MACROH2A1: variants seen among roughly 807,000 people sequenced by gnomAD.
The protein encoded by MACROH2A1 is core histone macro-H2A.1.
In MACROH2A1, 2 loss-of-function variants were observed where a neutral mutation model predicts 31.6. That is an observed-to-expected ratio of 0.06 (90% confidence interval 0.03 to 0.20). The LOEUF is 0.20. Ranked by LOEUF, MACROH2A1 falls within the 10% of genes least tolerant of loss-of-function variation. MACROH2A1 has a pLI of 1.00. For synonymous variants in MACROH2A1, 169 were observed against 189.6 expected (o/e 0.89, Z 0.89); for missense variants, 230 against 474.0 (o/e 0.49, Z 4.78).
intron 1 of MACROH2A1, among the ~76,000 whole-genome samples, chr5:135,390,366 G>A (rs1468712506): frequency 6.6e-6 from 1 of 152,200 alleles, no homozygotes. Flanking sequence ...ACCATCCAAG[G>A]TCTCGAATGT....
intron 2 of MACROH2A1, among the ~76,000 whole-genome samples, chr5:135,384,098 T>C (rs1647596240): frequency 6.6e-6 from 1 of 152,212 alleles, no homozygotes; most frequent in Non-Finnish European, 1.5e-5. Flanking sequence ...AGGCTCTGCC[T>C]ACCTCAATCT....
At chr5:135,336,445 A>G (rs1268220769) in intron 8 of MACROH2A1, among the ~76,000 whole-genome samples, 1 of 152,216 alleles carries the variant, frequency 6.6e-6, no homozygotes, top group African/African-American at 2.4e-5. Context: ...CCCCCAGCCT[A>G]TGTGAAGGAG....
chr5:135,345,863 G>A (rs571126553), intron 7 of MACROH2A1, 105 bp downstream of exon 7: 42 of 755,418 alleles, frequency 5.6e-5, no homozygotes, highest in Admixed American at 9.1e-5. Context: ...TTGAAGATGC[G>A]GCTGTGCTGC....
intron 5 of MACROH2A1, chr5:135,358,231 T>C (rs765611950): frequency 2.0e-6 from 2 of 985,418 alleles, no homozygotes; most frequent in Non-Finnish European, 2.4e-6. Flanking sequence ...AATGCTCTAA[T>C]GTATCAATGC....
At chr5:135,355,317 C>T in intron 5 of MACROH2A1, 1 of 453,490 alleles carries the variant, frequency 2.2e-6, no homozygotes, top group Admixed American at 2.4e-5. Flanking sequence ...AGAGGCATCC[C>T]CACTCTTGGA....
At chr5:135,349,425 C>T (rs1345247974) in intron 6 of MACROH2A1, among the ~76,000 whole-genome samples, 4 of 152,104 alleles carry the variant, frequency 2.6e-5, no homozygotes, top group Non-Finnish European at 4.4e-5. Flanking sequence ...GCTTACAGCC[C>T]GATTTCATTT....
chr5:135,350,714 G>A, intron 6 of MACROH2A1: 1 of 683,882 alleles, frequency 1.5e-6, no homozygotes, highest in Non-Finnish European at 2.7e-6. Flanking sequence ...CAGGACAGCT[G>A]GAAGTGTGAA....
intron 6 of MACROH2A1, 49 bp downstream of exon 6, chr5:135,352,897 A>G (rs1229960043): frequency 9.9e-7 from 1 of 1,014,386 alleles, no homozygotes; most frequent in Non-Finnish European, 1.6e-6. Context: ...TCTGGGTTCC[A>G]TAACTTTTCA....
At chr5:135,395,528 C>A (rs750099126) in intron 1 of MACROH2A1, among the ~76,000 whole-genome samples, 10 of 152,206 alleles carry the variant, frequency 6.6e-5, no homozygotes, top group Non-Finnish European at 8.8e-5. Context: ...ACCTTCCCAT[C>A]AACTCCAATC....
intron 6 of MACROH2A1, chr5:135,351,261 C>T: frequency 5.9e-6 from 1 of 168,582 alleles, no homozygotes; most frequent in Non-Finnish European, 1.3e-5. Flanking sequence ...GCTACTAAAA[C>T]ATGGCATCTG....
chr5:135,366,583 A>T (rs7706023), intron 4 of MACROH2A1, among the ~76,000 whole-genome samples: 42,644 of 145,002 alleles, frequency 0.29, 7,969 homozygotes, highest in African/African-American at 0.55. Flanking sequence ...ATTTTTATTT[A>T]AAAAAAAAAA....
At chr5:135,358,143 G>A in intron 5 of MACROH2A1, 1 of 984,484 alleles carries the variant, frequency 1.0e-6, no homozygotes, top group Non-Finnish European at 1.2e-6. Flanking sequence ...CATGATTTTT[G>A]CCTTTTTTAC....
intron 8 of MACROH2A1, among the ~76,000 whole-genome samples, chr5:135,337,585 C>T (rs1402996005): frequency 6.6e-6 from 1 of 152,242 alleles, no homozygotes; most frequent in Non-Finnish European, 1.5e-5. Context: ...AAGCTTTAGC[C>T]TGCATCAGAA....
intron 2 of MACROH2A1, among the ~76,000 whole-genome samples, chr5:135,375,989 G>A (rs1008032761): frequency 1.2e-4 from 18 of 152,066 alleles, no homozygotes; most frequent in African/African-American, 4.1e-4. Context: ...GTTTGCAGCC[G>A]CATCCCAGAA....
In MACROH2A1 at chr5:135,346,322, A is replaced by G. The variant is rs943502622; in HGVS notation, c.689-265T>C. 1.2e-4 allele frequency: 55 copies of G among 467,600 alleles called. 1 individual carries two copies. Among genetic ancestry groups the G allele is most frequent in the Admixed American group, 3.8e-4 (11 of 28,952 alleles). 29.0% of individuals were successfully genotyped at this position (467,600 alleles called of 1,614,324 possible). On this transcript the variant is annotated intron_variant, in intron 6 of 8. Transcript: ENST00000511689. ...GACTCAGGGTGATCATGGATGTGCC[A>G]GAGATGTGAAAGAGACAGGACATGC... is the stretch of plus-strand genomic sequence containing the variant.
intron 8 of MACROH2A1, among the ~76,000 whole-genome samples, chr5:135,336,553 A>C (rs1334374555): frequency 2.0e-5 from 3 of 152,198 alleles, no homozygotes; most frequent in Admixed American, 6.5e-5. Context: ...TCTTCCCATG[A>C]GAGGGGTCAG....
chr5:135,370,743 A>C (rs1377598092), intron 2 of MACROH2A1, among the ~76,000 whole-genome samples: 2 of 152,216 alleles, frequency 1.3e-5, no homozygotes, highest in African/African-American at 2.4e-5. Context: ...AAAAGGTGAA[A>C]AAGATGTAAA....
At chr5:135,343,524 T>C (rs1760288626) in intron 7 of MACROH2A1, 90 bp from the exon 8 acceptor site, 1 of 1,560,612 alleles carries the variant, frequency 6.4e-7, no homozygotes, top group African/African-American at 1.3e-5. Flanking sequence ...CCTGCCACGG[T>C]ATATCTTCCT....
intron 2 of MACROH2A1, among the ~76,000 whole-genome samples, chr5:135,379,595 T>C (rs1243121962): frequency 6.6e-6 from 1 of 152,148 alleles, no homozygotes; most frequent in African/African-American, 2.4e-5. Flanking sequence ...TACTCTGGGT[T>C]GACTTGACTA....
Sources: allele counts gnomAD v4.1 joint callset (sites outside exome capture counted in the v4.1 genomes callset), GRCh38; gene constraint gnomAD v4.1.1; transcripts MANE v1.5; gene names NCBI Gene and HGNC (gene_info 2026-07-23, HGNC 2026-07-21).